EIF2AK2: variants seen among roughly 807,000 people sequenced by gnomAD.
The protein encoded by EIF2AK2 is eukaryotic translation initiation factor 2 alpha kinase 2, also known as interferon-induced, double-stranded RNA-activated protein kinase.
A neutral mutation model predicts 70.5 loss-of-function variants in EIF2AK2; 40 were observed. The ratio of observed to expected loss-of-function variants is 0.57; its 90% CI spans 0.44 to 0.74. EIF2AK2 has a LOEUF of 0.74. Among genes scored for constraint, EIF2AK2 ranks in the 30% least tolerant of loss-of-function variants. EIF2AK2 has a pLI of 0.00. For synonymous variants in EIF2AK2, 198 were observed against 220.9 expected, an observed-to-expected ratio of 0.90 and a Z score of 0.92; for missense variants, 555 against 644.3, an observed-to-expected ratio of 0.86 and a Z score of 1.50.
At chr2:37,139,029 G>A (rs2148701834) in intron 6 of EIF2AK2, among the ~76,000 whole-genome samples, 1 of 150,612 alleles carries the variant, frequency 6.6e-6, no homozygotes, top group Non-Finnish European at 1.5e-5. Context: ...TGAAACTCCT[G>A]AGTTCGGCCA....
intron 6 of EIF2AK2, 131 bp from the exon 7 acceptor site, chr2:37,138,716 T>C (rs193166400): frequency 1.3e-4 from 95 of 723,014 alleles, no homozygotes; most frequent in Non-Finnish European, 2.2e-6. Context: ...AATTACAAGA[T>C]TAATAACATT....
At chr2:37,121,262 C>CAAAAAAAA (rs70949733) in intron 12 of EIF2AK2, among the ~76,000 whole-genome samples, 2 of 72,730 alleles carry the variant, frequency 2.7e-5, no homozygotes, top group Non-Finnish European at 4.6e-5. Flanking sequence ...GACACCGTCT[C>CAAAAAAAA]AAAAAAAAAA....
rs182855570 is a variant in EIF2AK2, at chr2:37,107,574, G to T, written c.1480-47C>A. 2.6e-6 allele frequency: 4 copies of T among 1,568,340 alleles called. No homozygotes were observed. The African/African-American group carries it at 5.5e-5, about 22-fold the overall frequency. ...GTATATTAGGAAATTATTTACTTGG[G>T]AGGAAAGACAGAACTAAAGGCTGAG... On this transcript the variant is annotated intron_variant, in intron 15 of 16. Transcript: ENST00000233057.
At chr2:37,151,882 C>A (rs1024704120) in intron 1 of EIF2AK2, among the ~76,000 whole-genome samples, 1 of 152,192 alleles carries the variant, frequency 6.6e-6, no homozygotes, top group Non-Finnish European at 1.5e-5. Context: ...ATCGAGACCA[C>A]GGTGAAACCT....
At chr2:37,112,006 C>A (rs1160311640) in intron 14 of EIF2AK2, among the ~76,000 whole-genome samples, 1 of 149,034 alleles carries the variant, frequency 6.7e-6, no homozygotes, top group Non-Finnish European at 1.5e-5. Context: ...TATGATTGCC[C>A]CCAATGCTGC....
At chr2:37,130,349 CGCCTTGGCCTCCCAAAGT>C (rs1196450355) in intron 10 of EIF2AK2, among the ~76,000 whole-genome samples, 7 of 152,148 alleles carry the variant, frequency 4.6e-5, no homozygotes, top group Admixed American at 4.6e-4. Context: ...GTGATCCACC[CGCCTTGGCCTCCCAAAGT>C]GCTCGGATTA....
At chr2:37,141,413 C>A in intron 5 of EIF2AK2, 140 bp downstream of exon 5, 2 of 1,018,462 alleles carry the variant, frequency 2.0e-6, no homozygotes, top group Non-Finnish European at 2.9e-6. Flanking sequence ...ATTATAAATC[C>A]AATTACTTAT....
rs1253820026 is a variant in EIF2AK2, at chr2:37,120,547, C to G, written c.1068-408G>C. ...AAAAGAAAAAAAAAGAACCCCAAAA[C>G]ATGTCACAAAATAGAAATCTAAATA... On this transcript the variant is annotated intron_variant, in intron 12 of 16. Coordinates refer to ENST00000233057, the MANE Select transcript of EIF2AK2 (RefSeq NM_001135651.3). Among the ~76,000 whole-genome samples the G allele has an allele frequency of 1.5e-5, 2 of 134,638 alleles. 1 individual carries two copies. Among genetic ancestry groups the G allele is most frequent in the Non-Finnish European group, 3.3e-5 (2 of 61,208 alleles). The allele number at this position is 134,638 out of a possible 152,430, so 88.3% of individuals were successfully genotyped here.
chr2:37,132,007 G>A (rs1674957475), intron 10 of EIF2AK2, among the ~76,000 whole-genome samples: 2 of 152,256 alleles, frequency 1.3e-5, no homozygotes, highest in South Asian at 2.1e-4. Flanking sequence ...TATCATTAAT[G>A]GAAAACTAAT....
At chr2:37,134,380 T>C (rs1253606909) in intron 10 of EIF2AK2, among the ~76,000 whole-genome samples, 1 of 152,168 alleles carries the variant, frequency 6.6e-6, no homozygotes, top group Non-Finnish European at 1.5e-5. Context: ...ACCTAACCAA[T>C]GCAACCGCAT....
intron 15 of EIF2AK2, 151 bp downstream of exon 15, chr2:37,109,043 T>C: frequency 1.4e-6 from 1 of 711,214 alleles, no homozygotes. Flanking sequence ...TGCCAAACCT[T>C]GAAAGACAGA....
intron 6 of EIF2AK2, 81 bp downstream of exon 6, chr2:37,139,550 T>C: frequency 6.5e-7 from 1 of 1,541,548 alleles, no homozygotes; most frequent in South Asian, 1.3e-5. Context: ...TGTCTTGGCA[T>C]AATGTTAACA....
Position 37,122,584 on chromosome 2 carries a change from A to G in EIF2AK2, c.989T>C (p.Phe330Ser). 1 of 1,614,178 alleles carries G rather than the reference A, an allele frequency of 6.2e-7. No homozygotes were observed. The highest frequency in any genetic ancestry group is 2.2e-5 in the East Asian group (1 of 44,876). ...IVHYNGCWDG[F>S]DYDPETSDDS... Reference sequence around the variant, plus strand: ...ATCACTGGTCTCAGGATCATAATCAAATCCATCCCAACAGCCATTGTAGTG... The same window carrying G: ...ATCACTGGTCTCAGGATCATAATCAGATCCATCCCAACAGCCATTGTAGTG... The change falls in exon 12 of 17, where the codon TTT becomes TCT. Residue 330 changes from phenylalanine to serine, a missense_variant. By Grantham distance (155) the Phe-to-Ser change is radical. This residue lies in a region of EIF2AK2 where 299 missense variants were observed against 375.4 expected (regional missense o/e 0.80). Coordinates refer to ENST00000233057, the MANE Select transcript of EIF2AK2 (RefSeq NM_001135651.3).
rs999282757 is a variant in EIF2AK2, at chr2:37,103,714, A to G, written c.*3559T>C. On this transcript the variant is annotated 3_prime_UTR_variant, in exon 17 of 17. Coordinates refer to ENST00000233057, the MANE Select transcript of EIF2AK2 (RefSeq NM_001135651.3). Reference sequence around the variant, plus strand: ...TGTGTACTGTCATCTAGATTTACCAATTGTACAATGGCTAATATTTTGCCA... The same window carrying G: ...TGTGTACTGTCATCTAGATTTACCAGTTGTACAATGGCTAATATTTTGCCA... 1 of 152,208 alleles carries G rather than the reference A, an allele frequency of 6.6e-6. No homozygotes were observed. The highest frequency in any genetic ancestry group is 2.4e-5 in the African/African-American group (1 of 41,446). 9.4% of individuals were successfully genotyped at this position (152,208 alleles called of 1,614,324 possible). A position where few individuals can be genotyped will look rare whatever the true frequency, so the allele number is the denominator to read the frequency against.
At chr2:37,117,178 A>T (rs1674373304) in intron 13 of EIF2AK2, among the ~76,000 whole-genome samples, 1 of 149,380 alleles carries the variant, frequency 6.7e-6, no homozygotes, top group African/African-American at 2.5e-5. Flanking sequence ...ACTCCACTGC[A>T]CTCCAGCCTG....
At chr2:37,130,158 A>G (rs962409255) in intron 10 of EIF2AK2, among the ~76,000 whole-genome samples, 1 of 152,006 alleles carries the variant, frequency 6.6e-6, no homozygotes, top group Non-Finnish European at 1.5e-5. Context: ...CTGGAGCTCA[A>G]TGGCGCAATC....
At chr2:37,134,252 C>T (rs374086419) in intron 10 of EIF2AK2, among the ~76,000 whole-genome samples, 16 of 152,212 alleles carry the variant, frequency 1.1e-4, no homozygotes, top group Non-Finnish European at 7.3e-5. Flanking sequence ...CTCCCTACAA[C>T]GCCTTAAGCC....
intron 6 of EIF2AK2, among the ~76,000 whole-genome samples, chr2:37,138,957 G>A (rs542536018): frequency 2.7e-4 from 40 of 148,492 alleles, no homozygotes; most frequent in African/African-American, 9.3e-4. Context: ...CACCACACCC[G>A]TCTAATTTTT....
chr2:37,124,178 G>A (rs1674652667), intron 11 of EIF2AK2, among the ~76,000 whole-genome samples: 1 of 152,062 alleles, frequency 6.6e-6, no homozygotes, highest in South Asian at 2.1e-4. Flanking sequence ...ATGTTGCCCA[G>A]GTTGGTCTCG....
Sources: allele counts gnomAD v4.1 joint callset (sites outside exome capture counted in the v4.1 genomes callset), GRCh38; gene constraint gnomAD v4.1.1; regional missense constraint gnomAD v4.1.1; transcripts MANE v1.5; gene names NCBI Gene and HGNC (gene_info 2026-07-23, HGNC 2026-07-21).